The following EPHB1 variants were observed in gnomAD, a reference collection of about 807,000 sequenced individuals.
EPHB1 encodes the protein EPH receptor B1, also known as ephrin type-B receptor 1.
EPHB1 carries 30 observed loss-of-function variants against 94.4 expected under a neutral mutation model. The ratio of observed to expected loss-of-function variants is 0.32; its 90% CI spans 0.24 to 0.43. The LOEUF is 0.43. EPHB1 is among the 20% of genes least tolerant of loss of function. The pLI, the probability that EPHB1 is intolerant of heterozygous loss-of-function variation, is 1.00. For synonymous variants in EPHB1, 522 were observed against 489.1 expected, an observed-to-expected ratio of 1.07 and a Z score of -0.89; for missense variants, 1,055 against 1,308.3, an observed-to-expected ratio of 0.81 and a Z score of 2.99.
intron 12 of EPHB1, among the ~76,000 whole-genome samples, chr3:135,210,884 GA>G (rs1343663818): frequency 2.0e-5 from 3 of 152,102 alleles, no homozygotes; most frequent in African/African-American, 7.2e-5. Context: ...CCCAGCAAAG[GA>G]TTCTCTGTAG....
At chr3:135,129,759 T>A (rs1940354037) in intron 4 of EPHB1, among the ~76,000 whole-genome samples, 1 of 151,884 alleles carries the variant, frequency 6.6e-6, no homozygotes, top group Admixed American at 6.6e-5. Context: ...CAGGGAAGGG[T>A]CCTAGTGGAA....
At chr3:135,217,441 C>G (rs1437070410) in intron 12 of EPHB1, among the ~76,000 whole-genome samples, 1 of 146,950 alleles carries the variant, frequency 6.8e-6, no homozygotes, top group Non-Finnish European at 1.5e-5. Flanking sequence ...CACACACACA[C>G]ACACACACAC....
At chr3:135,054,900 C>A (rs1937302289) in intron 3 of EPHB1, among the ~76,000 whole-genome samples, 1 of 152,154 alleles carries the variant, frequency 6.6e-6, no homozygotes, top group Admixed American at 6.5e-5. Flanking sequence ...TTCCCTTATA[C>A]CACCTATGCT....
At chr3:134,835,055 G>A (rs974328255) in intron 1 of EPHB1, among the ~76,000 whole-genome samples, 6 of 152,322 alleles carry the variant, frequency 3.9e-5, no homozygotes, top group Admixed American at 3.3e-4. Flanking sequence ...TGGACCTGTG[G>A]TGTAATGGGT....
At chr3:135,081,377 A>G (rs1938157991) in intron 3 of EPHB1, among the ~76,000 whole-genome samples, 2 of 152,216 alleles carry the variant, frequency 1.3e-5, no homozygotes, top group African/African-American at 4.8e-5. Flanking sequence ...CAGATTTGCT[A>G]AAGGGGCTTA....
intron 3 of EPHB1, among the ~76,000 whole-genome samples, chr3:135,005,383 A>G (rs1404187336): frequency 6.6e-6 from 1 of 152,226 alleles, no homozygotes; most frequent in Non-Finnish European, 1.5e-5. Flanking sequence ...GGGACATTTT[A>G]GTCTGCAGAG....
At chr3:134,796,112 T>C (rs2035821000) in intron 1 of EPHB1, 2 of 250,866 alleles carry the variant, frequency 8.0e-6, no homozygotes, top group Non-Finnish European at 1.5e-5. Context: ...CAGGCACGGA[T>C]ACGCTTCTGA....
chr3:135,129,307 C>T (rs1940333872), intron 4 of EPHB1, among the ~76,000 whole-genome samples: 1 of 152,016 alleles, frequency 6.6e-6, no homozygotes, highest in East Asian at 1.9e-4. Context: ...TCCCAGCTGT[C>T]AGGGAGGCCA....
chr3:135,023,823 C>G (rs947723578), intron 3 of EPHB1, among the ~76,000 whole-genome samples: 7 of 152,190 alleles, frequency 4.6e-5, no homozygotes, highest in Non-Finnish European at 8.8e-5. Context: ...GCATTGCTGT[C>G]TAGCCACTAT....
intron 4 of EPHB1, among the ~76,000 whole-genome samples, chr3:135,129,378 C>T (rs1940336599): frequency 6.6e-6 from 1 of 152,024 alleles, no homozygotes; most frequent in African/African-American, 2.4e-5. Context: ...TTTGCCTCAC[C>T]AAAGCCTCTG....
chr3:135,128,485 G>A (rs1157597028), intron 4 of EPHB1, among the ~76,000 whole-genome samples: 1 of 152,204 alleles, frequency 6.6e-6, no homozygotes, highest in African/African-American at 2.4e-5. Context: ...AGGATGCTAC[G>A]GCACAGACAC....
rs1047372193 is a variant in EPHB1, at chr3:134,795,355, C to G, written c.-277C>G. On this transcript the variant is annotated 5_prime_UTR_variant, in exon 1 of 16. Transcript: ENST00000398015. ...TCGCGCGCTCTCCCAGGCTCGTTCT[C>G]CCTCGCCCTCTCTCTCTCACACACG... 2 of 503,502 alleles carry G rather than the reference C, an allele frequency of 4.0e-6. No individual in the cohort carries two copies. The highest frequency in any genetic ancestry group is 8.5e-5 in the Admixed American group (2 of 23,642). 31.2% of individuals were successfully genotyped at this position (503,502 alleles called of 1,614,324 possible). A position where few individuals can be genotyped will look rare whatever the true frequency, so the allele number is the denominator to read the frequency against.
chr3:134,822,007 T>G (rs1398547109), intron 1 of EPHB1, among the ~76,000 whole-genome samples: 1 of 152,142 alleles, frequency 6.6e-6, no homozygotes, highest in African/African-American at 2.4e-5. Flanking sequence ...AAAGACAATG[T>G]TGAAAAGGAG....
At chr3:134,919,667 G>C (rs1303261351) in intron 1 of EPHB1, among the ~76,000 whole-genome samples, 1 of 152,216 alleles carries the variant, frequency 6.6e-6, no homozygotes, top group Non-Finnish European at 1.5e-5. Flanking sequence ...GGGCTGGCCT[G>C]CCCAGCCAGC....
intron 12 of EPHB1, among the ~76,000 whole-genome samples, chr3:135,237,119 T>A (rs988820231): frequency 4.6e-5 from 7 of 152,130 alleles, no homozygotes; most frequent in Non-Finnish European, 8.8e-5. Flanking sequence ...CTGCAGACTG[T>A]CTGAAGCTGA....
At chr3:135,146,894 C>G (rs543040051) in intron 5 of EPHB1, among the ~76,000 whole-genome samples, 1 of 152,206 alleles carries the variant, frequency 6.6e-6, no homozygotes, top group Admixed American at 6.5e-5. Context: ...TTGCCAAGTC[C>G]CCAGCCTGGC....
chr3:135,036,562 A>G lies in EPHB1; in HGVS notation c.806-69886A>G, dbSNP rs571985870. 3.3e-5 allele frequency among the ~76,000 whole-genome samples: 5 copies of G among 152,276 alleles called. No individual in the cohort carries two copies. The East Asian group carries it at 7.7e-4, about 24-fold the overall frequency. ...CAGTTCAAGTGTTGCTGTCTTCTAC[A>G]TTAACTTCACCCTTCAGACCTGTGG... On this transcript the variant is annotated intron_variant, in intron 3 of 15. Coordinates refer to ENST00000398015, the MANE Select transcript of EPHB1 (RefSeq NM_004441.5).
chr3:135,075,347 G>A (rs1047181454), intron 3 of EPHB1, among the ~76,000 whole-genome samples: 6 of 152,058 alleles, frequency 3.9e-5, no homozygotes, highest in Admixed American at 6.5e-5. Flanking sequence ...CCTGGGAATC[G>A]ATAGCCAGAA....
chr3:134,810,634 C>T (rs556200425), intron 1 of EPHB1, among the ~76,000 whole-genome samples: 1 of 152,338 alleles, frequency 6.6e-6, no homozygotes, highest in Non-Finnish European at 1.5e-5. Flanking sequence ...TCTGGTTCAG[C>T]TGAGCTTGAC....
Sources: allele counts gnomAD v4.1 joint callset (sites outside exome capture counted in the v4.1 genomes callset), GRCh38; gene constraint gnomAD v4.1.1; transcripts MANE v1.5; gene names NCBI Gene and HGNC (gene_info 2026-07-23, HGNC 2026-07-21).